OR2L13: variants seen among roughly 807,000 people sequenced by gnomAD.
OR2L13 encodes olfactory receptor family 2 subfamily L member 13, also known as olfactory receptor 2L13.
In OR2L13, 14 loss-of-function variants were observed where a neutral mutation model predicts 15.3. The ratio of observed to expected loss-of-function variants is 0.91; its 90% CI spans 0.60 to 1.43. OR2L13 has a LOEUF of 1.43. Among genes scored for constraint, OR2L13 ranks in the 40% most tolerant of loss-of-function variants. The pLI, the probability that OR2L13 is intolerant of heterozygous loss-of-function variation, is 0.00. For synonymous variants in OR2L13, 152 were observed against 142.9 expected (o/e 1.06, Z -0.45); for missense variants, 367 against 387.9 (o/e 0.95, Z 0.45).
At chr1:247,956,455 A>C in the OR2L13 span, among the ~76,000 whole-genome samples, 6 of 151,222 alleles carry the variant, frequency 4.0e-5, no homozygotes, top group Non-Finnish European at 8.9e-5. Flanking sequence ...ATGAACTTTA[A>C]AGTAGTTTTT....
At chr1:248,073,278 A>G in the OR2L13 span, among the ~76,000 whole-genome samples, 2 of 152,238 alleles carry the variant, frequency 1.3e-5, no homozygotes, top group Non-Finnish European at 2.9e-5. Context: ...CATATACACC[A>G]TGGAATACTA....
chr1:248,063,276 C>G, the OR2L13 span: 2 of 152,294 alleles, frequency 1.3e-5, no homozygotes, highest in South Asian at 2.1e-4. Flanking sequence ...GTGATTTGTA[C>G]AAATACATTC....
At chr1:248,001,210 T>C in the OR2L13 span, among the ~76,000 whole-genome samples, 6 of 152,054 alleles carry the variant, frequency 3.9e-5, no homozygotes, top group Admixed American at 2.0e-4. Context: ...GCGATACCAA[T>C]CTGAAGAGTT....
At chr1:248,042,539 AAAAAAAC>A in the OR2L13 span, among the ~76,000 whole-genome samples, 1 of 152,088 alleles carries the variant, frequency 6.6e-6, no homozygotes, top group Non-Finnish European at 1.5e-5. Flanking sequence ...AATAAATTGC[AAAAAAAC>A]AAAAAACAAA....
At chr1:248,010,477 C>T in the OR2L13 span, among the ~76,000 whole-genome samples, 9 of 152,172 alleles carry the variant, frequency 5.9e-5, 1 homozygote, top group East Asian at 1.5e-3. Context: ...TCCTAAATAT[C>T]CTTGTGAATT....
chr1:247,985,486 C>T, the OR2L13 span, among the ~76,000 whole-genome samples: 1 of 152,192 alleles, frequency 6.6e-6, no homozygotes, highest in East Asian at 1.9e-4. Context: ...ATATGTGCCA[C>T]ATTTTCTTAA....
At chr1:248,090,755 A>C (rs1188272551), upstream of OR2L13, among the ~76,000 whole-genome samples, 1 of 152,224 alleles carries the variant, frequency 6.6e-6, no homozygotes, top group East Asian at 1.9e-4. Context: ...ATACATGTGC[A>C]GGTTACTTTA....
At chr1:247,957,820 G>T in the OR2L13 span, among the ~76,000 whole-genome samples, 1 of 152,036 alleles carries the variant, frequency 6.6e-6, no homozygotes, top group Non-Finnish European at 1.5e-5. Context: ...GTATCTATTT[G>T]ATTCTTCTCT....
chr1:247,964,098 T>C, the OR2L13 span, among the ~76,000 whole-genome samples: 3 of 152,130 alleles, frequency 2.0e-5, no homozygotes, highest in African/African-American at 4.8e-5. Flanking sequence ...TCATACTTTA[T>C]TTATAAGTTC....
chr1:248,024,492 TA>T, the OR2L13 span, among the ~76,000 whole-genome samples: 1 of 152,234 alleles, frequency 6.6e-6, no homozygotes, highest in Non-Finnish European at 1.5e-5. Flanking sequence ...GTGTATCCAT[TA>T]AAAATCATTT....
At chr1:248,071,998 A>G in the OR2L13 span, among the ~76,000 whole-genome samples, 13 of 151,672 alleles carry the variant, frequency 8.6e-5, no homozygotes, top group African/African-American at 3.1e-4. Flanking sequence ...AAATGGAAGA[A>G]CATTCCATGC....
chr1:247,965,056 TTAAG>T, the OR2L13 span, among the ~76,000 whole-genome samples: 1 of 150,810 alleles, frequency 6.6e-6, no homozygotes, highest in African/African-American at 2.4e-5. Flanking sequence ...GTAAGTATAT[TTAAG>T]TATTATATAT....
At chr1:247,951,827 C>T in the OR2L13 span, among the ~76,000 whole-genome samples, 1 of 152,170 alleles carries the variant, frequency 6.6e-6, no homozygotes, top group Admixed American at 6.5e-5. Flanking sequence ...AGGGCAAGCA[C>T]CTCCTCTCTT....
chr1:248,060,570 A>G, the OR2L13 span: 2 of 799,642 alleles, frequency 2.5e-6, no homozygotes, highest in South Asian at 3.3e-5. Context: ...TGTCAACTCC[A>G]GTCTCAAGAA....
At chr1:247,982,813 T>C in the OR2L13 span, among the ~76,000 whole-genome samples, 2 of 152,146 alleles carry the variant, frequency 1.3e-5, no homozygotes, top group Non-Finnish European at 2.9e-5. Context: ...AAAATAACCT[T>C]ATTTGTGATT....
At chr1:248,010,306 C>T in the OR2L13 span, among the ~76,000 whole-genome samples, 1 of 152,004 alleles carries the variant, frequency 6.6e-6, no homozygotes, top group Non-Finnish European at 1.5e-5. Flanking sequence ...GTTATGATTT[C>T]CGTTTTTTGC....
the OR2L13 span, among the ~76,000 whole-genome samples, chr1:248,048,336 A>G: frequency 3.3e-5 from 5 of 152,214 alleles, no homozygotes; most frequent in African/African-American, 1.2e-4. Flanking sequence ...CACATTGTGT[A>G]AATATTAAAT....
the OR2L13 span, among the ~76,000 whole-genome samples, chr1:248,033,126 C>T: frequency 6.6e-6 from 1 of 152,090 alleles, no homozygotes; most frequent in Admixed American, 6.6e-5. Context: ...GGATGAAACC[C>T]ATCATAAATC....
At chr1:248,063,749 C>T in the OR2L13 span, among the ~76,000 whole-genome samples, 4 of 152,104 alleles carry the variant, frequency 2.6e-5, no homozygotes, top group Admixed American at 1.3e-4. Context: ...ACCCAAGCCA[C>T]TCCTTGGAAT....
Sources: gnomAD v4.1 joint callset for allele counts (sites outside exome capture counted in the v4.1 genomes callset) on GRCh38, gnomAD v4.1.1 for gene constraint, MANE v1.5 for transcripts, NCBI Gene and HGNC (gene_info 2026-07-23, HGNC 2026-07-21) for gene names.